FCAR: variants seen among roughly 807,000 people sequenced by gnomAD.
FCAR encodes Fc alpha receptor, also known as immunoglobulin alpha Fc receptor.
In FCAR, 21 loss-of-function variants were observed where a neutral mutation model predicts 27.1. That is an observed-to-expected ratio of 0.77 (90% confidence interval 0.55 to 1.11). FCAR has a LOEUF of 1.11. Among genes scored for constraint, FCAR ranks in the 50% most tolerant of loss-of-function variants. The pLI is 0.00. For synonymous variants in FCAR, 134 were observed against 135.8 expected (o/e 0.99, Z 0.09); for missense variants, 404 against 358.4 (o/e 1.13, Z -1.03).
intron 3 of FCAR, among the ~76,000 whole-genome samples, chr19:54,886,515 G>A (rs2066739984): frequency 4.0e-5 from 6 of 151,774 alleles, no homozygotes; most frequent in Admixed American, 3.9e-4. Flanking sequence ...CACTGTGTTA[G>A]CCAGGATGGT....
At position 54,889,805 on chromosome 19, in the gene FCAR, G is replaced by A. The variant is rs1014016859; in HGVS notation, c.806G>A (p.Ser269Asn). The change falls in exon 5 of 5, where the codon AGC (serine) becomes AAC (asparagine). Residue 269 changes from serine to asparagine, a missense_variant. Coordinates refer to ENST00000355524, the MANE Select transcript of FCAR (RefSeq NM_002000.4). Reference sequence around the variant, plus strand: ...GCAGATGTGGCTGAACCGAGCTGGAGCCAACAGATGTGTCAGCCAGGATTG... The same window carrying A: ...GCAGATGTGGCTGAACCGAGCTGGAACCAACAGATGTGTCAGCCAGGATTG... Reference protein sequence around the residue: ...ASADVAEPSWSQQMCQPGLTF... With the variant: ...ASADVAEPSWNQQMCQPGLTF... The A allele has an allele frequency of 2.5e-6, 4 of 1,611,694 alleles. No individual in the cohort carries two copies. The Admixed American group carries it at 6.7e-5, about 27-fold the overall frequency.
chr19:54,889,692 GGCCGTGGCA>G lies in FCAR; in HGVS notation c.695_703del (p.Ala232_Ala234del), dbSNP rs768692211. ...ACACGACGCAGAACTTGATCCGCAT[GGCCGTGGCA>G]GGACTGGTCCTCGTGGCTCTCTTGG... On this transcript the variant is annotated inframe_deletion, in exon 5 of 5. Transcript: ENST00000355524. 3 of 1,614,176 alleles carry G rather than the reference GGCCGTGGCA, an allele frequency of 1.9e-6. No homozygotes were observed. The highest frequency in any genetic ancestry group is 2.5e-6 in the Non-Finnish European group (3 of 1,180,032).
chr19:54,884,999 G>T (rs1161201728), intron 2 of FCAR, among the ~76,000 whole-genome samples: 1 of 151,918 alleles, frequency 6.6e-6, no homozygotes, highest in African/African-American at 2.4e-5. Context: ...GTAGACACGG[G>T]GTTTCACCGT....
rs372149163 is a variant in FCAR at position 54,888,304 on chromosome 19, G to A, written c.649+10G>A. On this transcript the variant is annotated intron_variant, in intron 4 of 4. Coordinates refer to ENST00000355524, the MANE Select transcript of FCAR (RefSeq NM_002000.4). ...GAGCTTGTGGTCACAGGTAGGTACC[G>A]CCCAGTCCAGCCCTGTGTCTGGGTT... 41 of 1,612,658 alleles carry A rather than the reference G, an allele frequency of 2.5e-5. No individual in the cohort carries two copies. The highest frequency in any genetic ancestry group is 1.6e-4 in the Middle Eastern group (1 of 6,082).
rs763477126 is a variant in FCAR, at chr19:54,875,326, C to G, written c.35-4C>G. The G allele has an allele frequency of 1.3e-5, 21 of 1,613,250 alleles. No individual in the cohort carries two copies. The highest frequency in any genetic ancestry group is 1.8e-5 in the Non-Finnish European group (21 of 1,179,598). ...TTGATTTTTCATAAATCTCTCTCTTCCAGTGCTCTGTCTGGGCCAGAGGAT... is the reference window on the plus strand; with the variant it reads ...TTGATTTTTCATAAATCTCTCTCTTGCAGTGCTCTGTCTGGGCCAGAGGAT... On this transcript the variant is annotated splice_region_variant and splice_polypyrimidine_tract_variant and intron_variant, in intron 1 of 4. Transcript: ENST00000355524.
intron 2 of FCAR, among the ~76,000 whole-genome samples, chr19:54,879,747 G>A (rs2066305329): frequency 6.7e-6 from 1 of 150,232 alleles, no homozygotes; most frequent in Non-Finnish European, 1.5e-5. Context: ...GCAATGGCGT[G>A]ATCTCGGCTC....
intron 2 of FCAR, among the ~76,000 whole-genome samples, chr19:54,877,853 T>A: frequency 6.6e-6 from 1 of 152,142 alleles, no homozygotes; most frequent in East Asian, 1.9e-4. Flanking sequence ...AGTGGTTTTC[T>A]TAGTATTTAT....
chr19:54,875,533 C>G (rs587715649), intron 2 of FCAR, among the ~76,000 whole-genome samples, 168 bp downstream of exon 2: 1 of 152,294 alleles, frequency 6.6e-6, no homozygotes, highest in East Asian at 1.9e-4. Context: ...ATCTCCAAAC[C>G]CTTCAGACTC....
intron 2 of FCAR, among the ~76,000 whole-genome samples, chr19:54,881,675 A>T (rs980163034): frequency 5.9e-5 from 9 of 151,956 alleles, no homozygotes; most frequent in African/African-American, 2.2e-4. Context: ...GATCGAGACC[A>T]TCCTGGCTAA....
At chr19:54,879,918 C>G (rs12608573) in intron 2 of FCAR, among the ~76,000 whole-genome samples, 31,014 of 152,144 alleles carry the variant, frequency 0.2, 3,715 homozygotes, top group South Asian at 0.36. Flanking sequence ...ATCTCCTGAC[C>G]TCGTGATCCG....
At chr19:54,882,807 C>T (rs768515761) in intron 2 of FCAR, among the ~76,000 whole-genome samples, 2 of 152,128 alleles carry the variant, frequency 1.3e-5, no homozygotes, top group Non-Finnish European at 2.9e-5. Context: ...TGAGTACAGT[C>T]GCTTGGCTTC....
At chr19:54,876,907 C>T (rs898708089) in intron 2 of FCAR, among the ~76,000 whole-genome samples, 11 of 152,106 alleles carry the variant, frequency 7.2e-5, no homozygotes, top group African/African-American at 2.4e-4. Context: ...GGCAACAGAG[C>T]GAGACTCCTA....
rs773500089 is a variant in FCAR at position 54,874,288 on chromosome 19, C to T, written c.-2C>T. On this transcript the variant is annotated 5_prime_UTR_variant, in exon 1 of 5. It adds an upstream start codon to the 5' untranslated region. Transcript: ENST00000355524. ...CAACGGGGCTGAGGCCGTGTCAGCA[C>T]GATGGACCCCAAACAGACCACCCTC... 15 of 1,614,048 alleles carry T rather than the reference C, an allele frequency of 9.3e-6. 1 individual carries two copies. Among genetic ancestry groups the T allele is most frequent in the South Asian group, 8.8e-5 (8 of 91,056 alleles).
At chr19:54,881,353 G>A (rs1368422768) in intron 2 of FCAR, among the ~76,000 whole-genome samples, 5 of 152,148 alleles carry the variant, frequency 3.3e-5, no homozygotes, top group African/African-American at 7.2e-5. Flanking sequence ...TCTGAGGGCA[G>A]CAAGGCCAGT....
intron 3 of FCAR, 38 bp downstream of exon 3, chr19:54,885,563 T>A: frequency 6.9e-7 from 1 of 1,447,538 alleles, no homozygotes; most frequent in Middle Eastern, 1.8e-4. Flanking sequence ...CTGGTGTGAT[T>A]TTTTTCTTAT....
intron 2 of FCAR, among the ~76,000 whole-genome samples, chr19:54,878,839 T>C (rs1302501375): frequency 6.7e-6 from 1 of 150,242 alleles, no homozygotes; most frequent in Non-Finnish European, 1.5e-5. Context: ...GCATATGAGA[T>C]GGGTTTCTTA....
At chr19:54,886,371 A>G (rs2066730647) in intron 3 of FCAR, among the ~76,000 whole-genome samples, 2 of 127,994 alleles carry the variant, frequency 1.6e-5, no homozygotes, top group East Asian at 2.2e-4. Context: ...CAGTGGCACA[A>G]TCTCGGCTCA....
chr19:54,888,354 G>A, intron 4 of FCAR, 60 bp downstream of exon 4: 1 of 1,588,184 alleles, frequency 6.3e-7, no homozygotes, highest in Non-Finnish European at 8.6e-7. Context: ...TTGCCACCGG[G>A]CAGGAATATG....
chr19:54,883,181 ATTT>A (rs60755830), intron 2 of FCAR, among the ~76,000 whole-genome samples: 12 of 139,902 alleles, frequency 8.6e-5, no homozygotes, highest in African/African-American at 2.9e-4. Flanking sequence ...AATTTTTGTA[ATTT>A]TTTTTTTTTT....
Sources: gnomAD v4.1 joint callset for allele counts (sites outside exome capture counted in the v4.1 genomes callset) on GRCh38, gnomAD v4.1.1 for gene constraint, MANE v1.5 for transcripts, NCBI Gene and HGNC (gene_info 2026-07-23, HGNC 2026-07-21) for gene names.